Variants in TAX1BP1 observed in about 807,000 individuals in gnomAD.
The protein encoded by TAX1BP1 is Tax1 binding protein 1.
TAX1BP1 carries 62 observed loss-of-function variants against 97.7 expected under a neutral mutation model. The observed-to-expected ratio is 0.63, with a 90% confidence interval of 0.52 to 0.78. The LOEUF is 0.78. Ranked by LOEUF, TAX1BP1 falls within the 30% of genes least tolerant of loss-of-function variation. The probability of loss-of-function intolerance (pLI) is 0.00; values close to 1 mark genes in which losing one functional copy is unlikely to be tolerated. For synonymous variants in TAX1BP1, 340 were observed against 304.2 expected (o/e 1.12, Z -1.23); for missense variants, 867 against 916.1 (o/e 0.95, Z 0.69).
chr7:27,816,941 G>C lies in TAX1BP1; in HGVS notation c.1988G>C (p.Arg663Thr), dbSNP rs1790791649. Residue 663 changes from arginine to threonine, a missense_variant, in exon 15 of 17, where the codon AGA (arginine) becomes ACA (threonine). By Grantham distance (71) the Arg-to-Thr change is moderately conservative. This residue lies in a region of TAX1BP1 where 822 missense variants were observed against 851.4 expected (regional missense o/e 0.97). Coordinates refer to ENST00000396319, the MANE Select transcript of TAX1BP1 (RefSeq NM_006024.7). The stretch of plus-strand genomic sequence containing the variant: ...GATGAAATACAAAGGCCACCTGTCA[G>C]AGTCCCCTCTTGGGGACTGGAAGAC... ...YPDEIQRPPVRVPSWGLEDNV... is the reference protein window; with the variant it reads ...YPDEIQRPPVTVPSWGLEDNV... 6.2e-7 allele frequency: 1 copy of C among 1,613,920 alleles called. No homozygotes were observed.
chr7:27,826,454 C>G (rs1411422594), intron 15 of TAX1BP1, among the ~76,000 whole-genome samples: 1 of 152,106 alleles, frequency 6.6e-6, no homozygotes, highest in Non-Finnish European at 1.5e-5. Context: ...GTGCTCCTTC[C>G]CATGACAGAC....
intron 7 of TAX1BP1, 97 bp downstream of exon 7, chr7:27,785,586 T>G: frequency 1.0e-6 from 1 of 978,200 alleles, no homozygotes; most frequent in Non-Finnish European, 1.6e-6. Flanking sequence ...GCAGCTTAGC[T>G]GAGTGGTTCT....
chr7:27,803,020 T>G, intron 13 of TAX1BP1: 1 of 1,246,940 alleles, frequency 8.0e-7, no homozygotes, highest in Non-Finnish European at 1.1e-6. Flanking sequence ...TAGGAATTAT[T>G]TTCGTAAAAC....
intron 2 of TAX1BP1, 84 bp downstream of exon 2, chr7:27,748,770 C>A (rs537870269): frequency 1.8e-6 from 2 of 1,085,212 alleles, no homozygotes; most frequent in African/African-American, 3.2e-5. Flanking sequence ...TTTTACTTGC[C>A]TTAACTCTGC....
chr7:27,776,174 G>A (rs552391482), intron 5 of TAX1BP1, among the ~76,000 whole-genome samples: 7 of 152,222 alleles, frequency 4.6e-5, no homozygotes, highest in South Asian at 4.1e-4. Context: ...AAATGGTAGT[G>A]GTACCTTTTG....
chr7:27,765,244 G>A (rs1788589077), intron 3 of TAX1BP1, among the ~76,000 whole-genome samples: 2 of 151,100 alleles, frequency 1.3e-5, no homozygotes, highest in Non-Finnish European at 2.9e-5. Context: ...TCTAACTCCA[G>A]GTGGGCTCAA....
intron 3 of TAX1BP1, among the ~76,000 whole-genome samples, chr7:27,761,865 A>G (rs1018431195): frequency 2.0e-5 from 3 of 152,324 alleles, no homozygotes; most frequent in African/African-American, 7.2e-5. Flanking sequence ...AATTAATTGT[A>G]TAAGAGCATG....
chr7:27,761,031 A>G (rs1788408157), intron 3 of TAX1BP1, among the ~76,000 whole-genome samples: 1 of 152,216 alleles, frequency 6.6e-6, no homozygotes, highest in African/African-American at 2.4e-5. Context: ...AACATTATCT[A>G]ATTGATATGG....
At position 27,752,929 on chromosome 7, in the gene TAX1BP1, A is replaced by G. The variant is rs185328023; in HGVS notation, c.162+4243A>G. On this transcript the variant is annotated intron_variant, in intron 2 of 16. Transcript: ENST00000396319. Reference sequence around the variant, plus strand: ...GATCTGATTATTCAAAATTAACAACAGAGTTGCTAATAAGTTCAGCATGGA... The same window carrying G: ...GATCTGATTATTCAAAATTAACAACGGAGTTGCTAATAAGTTCAGCATGGA... Among the ~76,000 whole-genome samples the G allele has an allele frequency of 2.6e-5, 4 of 152,398 alleles. No individual in the cohort carries two copies. In the East Asian group the frequency reaches 5.8e-4, roughly 22 times the overall value.
At chr7:27,751,017 T>G (rs1337219657) in intron 2 of TAX1BP1, among the ~76,000 whole-genome samples, 3 of 152,206 alleles carry the variant, frequency 2.0e-5, no homozygotes, top group Admixed American at 2.0e-4. Context: ...CTTCATCATC[T>G]GTAGAATAAT....
At chr7:27,754,082 T>G (rs990861166) in intron 2 of TAX1BP1, among the ~76,000 whole-genome samples, 3 of 152,202 alleles carry the variant, frequency 2.0e-5, no homozygotes, top group Admixed American at 2.0e-4. Flanking sequence ...ACATTGCTAA[T>G]GCATAACATG....
At chr7:27,803,693 G>A (rs1242886178) in intron 13 of TAX1BP1, among the ~76,000 whole-genome samples, 4 of 151,830 alleles carry the variant, frequency 2.6e-5, no homozygotes, top group African/African-American at 9.7e-5. Flanking sequence ...GAAAAAAAAA[G>A]CCAGTTGCAC....
chr7:27,806,448 A>G (rs914629760), intron 13 of TAX1BP1, among the ~76,000 whole-genome samples: 6 of 151,964 alleles, frequency 3.9e-5, no homozygotes, highest in African/African-American at 1.5e-4. Flanking sequence ...CACAGAAGGA[A>G]TGCATCTAAG....
chr7:27,770,943 A>T (rs1315725215), intron 5 of TAX1BP1, among the ~76,000 whole-genome samples: 1 of 151,958 alleles, frequency 6.6e-6, no homozygotes, highest in Non-Finnish European at 1.5e-5. Flanking sequence ...CCTGGGGAAC[A>T]CTTAGTGTCC....
intron 15 of TAX1BP1, among the ~76,000 whole-genome samples, chr7:27,825,655 C>A (rs188117516): frequency 2.0e-5 from 3 of 152,208 alleles, no homozygotes; most frequent in Admixed American, 6.5e-5. Flanking sequence ...TTACTTCTAC[C>A]TTTTTTCCCC....
chr7:27,769,852 T>C lies in TAX1BP1; in HGVS notation c.612+18T>C. 1 of 1,609,742 alleles carries C rather than the reference T, an allele frequency of 6.2e-7. No homozygotes were observed. Among genetic ancestry groups the C allele is most frequent in the Non-Finnish European group, 8.5e-7 (1 of 1,177,610 alleles). On this transcript the variant is annotated intron_variant, in intron 5 of 16. Transcript: ENST00000396319. ...AACAAAAGGTTAGTTGTGTCTTATGTAACTGATTGAAGTTGATAGTATATT... is the reference window on the plus strand; with the variant it reads ...AACAAAAGGTTAGTTGTGTCTTATGCAACTGATTGAAGTTGATAGTATATT...
intron 1 of TAX1BP1, among the ~76,000 whole-genome samples, chr7:27,747,038 G>A (rs562661700): frequency 2.7e-4 from 41 of 152,284 alleles, no homozygotes; most frequent in African/African-American, 9.9e-4. Context: ...TATGAGTAGA[G>A]CCTTACTGCT....
upstream of TAX1BP1, chr7:27,740,132 C>T (rs529887357): frequency 6.6e-6 from 1 of 152,460 alleles, no homozygotes; most frequent in African/African-American, 2.4e-5. Flanking sequence ...GACGCAAGGC[C>T]TACTGTCGGC....
chr7:27,792,790 C>T (rs1190463394), intron 9 of TAX1BP1, among the ~76,000 whole-genome samples: 2 of 151,920 alleles, frequency 1.3e-5, no homozygotes, highest in Non-Finnish European at 2.9e-5. Context: ...AGTGAGACCT[C>T]ATCTCTACAA....
Sources: gnomAD v4.1 joint callset for allele counts (sites outside exome capture counted in the v4.1 genomes callset) on GRCh38, gnomAD v4.1.1 for gene constraint, gnomAD v4.1.1 regional missense constraint, MANE v1.5 for transcripts, NCBI Gene and HGNC (gene_info 2026-07-23, HGNC 2026-07-21) for gene names.